MORF4L1: variants seen among roughly 807,000 people sequenced by gnomAD.
MORF4L1 encodes mortality factor 4-like protein 1.
MORF4L1 carries 4 observed loss-of-function variants against 52.9 expected under a neutral mutation model. That is an observed-to-expected ratio of 0.08 (90% CI 0.04 to 0.17). The LOEUF (loss-of-function observed/expected upper bound fraction) is 0.17. Among genes scored for constraint, MORF4L1 ranks in the 10% least tolerant of loss-of-function variants. The pLI is 1.00. For synonymous variants in MORF4L1, 123 were observed against 134.8 expected (o/e 0.91, Z 0.61); for missense variants, 214 against 390.4 (o/e 0.55, Z 3.81).
chr15:78,894,443 CTG>C (rs966818738), intron 10 of MORF4L1: 41 of 406,272 alleles, frequency 1.0e-4, no homozygotes, highest in Admixed American at 4.7e-4. Flanking sequence ...CAGACAGTCT[CTG>C]TTGCCCAGGC....
intron 3 of MORF4L1, among the ~76,000 whole-genome samples, chr15:78,881,663 A>G (rs756793907): frequency 6.6e-6 from 1 of 152,190 alleles, no homozygotes; most frequent in Non-Finnish European, 1.5e-5. Flanking sequence ...CTAAAAATTT[A>G]CCCAAGTCTC....
At chr15:78,878,696 A>T (rs778555373) in intron 2 of MORF4L1, among the ~76,000 whole-genome samples, 1 of 152,232 alleles carries the variant, frequency 6.6e-6, no homozygotes, top group African/African-American at 2.4e-5. Context: ...TTGTCTGGCA[A>T]AGTTTGTATT....
chr15:78,873,674 C>G (rs1296563644), intron 1 of MORF4L1: 1 of 153,916 alleles, frequency 6.5e-6, no homozygotes, highest in Non-Finnish European at 1.5e-5. Context: ...GCAGATGCAG[C>G]GCCCCCTTCC....
intron 9 of MORF4L1, 37 bp from the exon 10 acceptor site, chr15:78,894,021 A>G (rs2056843125): frequency 6.4e-7 from 1 of 1,561,050 alleles, no homozygotes; most frequent in African/African-American, 1.4e-5. Flanking sequence ...AGTTATTTTT[A>G]TTGACCAGTT....
intron 3 of MORF4L1, among the ~76,000 whole-genome samples, chr15:78,884,019 C>T (rs1416392422): frequency 6.9e-6 from 1 of 145,840 alleles, no homozygotes; most frequent in African/African-American, 2.5e-5. Context: ...GCCTGGCCAA[C>T]ATGATGAAAT....
chr15:78,886,361 A>G, intron 4 of MORF4L1, 134 bp downstream of exon 4: 1 of 762,254 alleles, frequency 1.3e-6, no homozygotes, highest in Non-Finnish European at 2.3e-6. Flanking sequence ...CTGCTGTGTT[A>G]CAGCTTTGAC....
intron 8 of MORF4L1, 54 bp downstream of exon 8, chr15:78,892,367 A>G (rs1810891729): frequency 2.3e-6 from 3 of 1,328,436 alleles, no homozygotes; most frequent in Non-Finnish European, 3.2e-6. Context: ...TCTTGCTAGC[A>G]AAAAAAGTTT....
intron 8 of MORF4L1, among the ~76,000 whole-genome samples, chr15:78,893,311 C>T (rs180832893): frequency 1.2e-3 from 190 of 152,266 alleles, no homozygotes; most frequent in African/African-American, 4.5e-3. Flanking sequence ...AATGGGGTTA[C>T]ATCGCAATAA....
rs1322349665 is a variant in MORF4L1, at chr15:78,897,021, G to A, written c.926G>A (p.Ser309Asn). 6.2e-7 allele frequency: 1 copy of A among 1,612,990 alleles called. No homozygotes were observed. Among genetic ancestry groups the A allele is most frequent in the East Asian group, 2.2e-5 (1 of 44,848 alleles). ...AATTCTGCAACTTTGTTCAGTGCCAGCGATTATGAAGTGGCTCCTCCTGAG... is the reference window on the plus strand; with the variant it reads ...AATTCTGCAACTTTGTTCAGTGCCAACGATTATGAAGTGGCTCCTCCTGAG... ...AKNSATLFSA[S>N]DYEVAPPEYH... Residue 309 changes from serine to asparagine, a missense_variant, in exon 12 of 12, where the codon AGC becomes AAC. This residue lies in a region of MORF4L1 where 30 missense variants were observed against 34.6 expected (regional missense o/e 0.87). Transcript: ENST00000426013.
chr15:78,880,453 A>T, intron 2 of MORF4L1, 59 bp from the exon 3 acceptor site: 1 of 1,258,804 alleles, frequency 7.9e-7, no homozygotes, highest in East Asian at 2.4e-5. Context: ...GGATGATTTG[A>T]AAAGGTAGTG....
At chr15:78,877,204 T>C (rs1439963806) in intron 1 of MORF4L1, among the ~76,000 whole-genome samples, 3 of 135,054 alleles carry the variant, frequency 2.2e-5, no homozygotes, top group African/African-American at 8.4e-5. Context: ...CACTGCAACC[T>C]CCACCTCCCG....
chr15:78,886,383 A>G (rs1012230735), intron 4 of MORF4L1, 156 bp downstream of exon 4: 2 of 670,544 alleles, frequency 3.0e-6, no homozygotes, highest in African/African-American at 1.8e-5. Flanking sequence ...TCAAGCGATC[A>G]AGCCATATCT....
intron 3 of MORF4L1, among the ~76,000 whole-genome samples, chr15:78,884,469 G>A (rs988946769): frequency 2.0e-5 from 3 of 151,574 alleles, no homozygotes; most frequent in African/African-American, 7.3e-5. Flanking sequence ...GAGAAACCCT[G>A]TCTGTACTAA....
Position 78,888,005 on chromosome 15 carries a change from T to C in MORF4L1, c.323+656T>C, listed in dbSNP as rs529503951. On this transcript the variant is annotated intron_variant, in intron 5 of 11. Coordinates refer to ENST00000426013, the MANE Select transcript of MORF4L1 (RefSeq NM_006791.4). Reference sequence around the variant, plus strand: ...TGTTGGTCAGGCTGACCTCCTGACCTCAGGTGATCCACCTGCCTTGGCCTC... The same window carrying C: ...TGTTGGTCAGGCTGACCTCCTGACCCCAGGTGATCCACCTGCCTTGGCCTC... Among the ~76,000 whole-genome samples, 5 of 152,354 alleles carry C rather than the reference T, an allele frequency of 3.3e-5. No homozygotes were observed. The East Asian group carries it at 9.6e-4, about 29-fold the overall frequency.
At chr15:78,883,911 CTA>C (rs973738479) in intron 3 of MORF4L1, among the ~76,000 whole-genome samples, 5 of 152,126 alleles carry the variant, frequency 3.3e-5, no homozygotes, top group Non-Finnish European at 5.9e-5. Flanking sequence ...CGTTAGAAAA[CTA>C]TGAAATTCTG....
intron 5 of MORF4L1, among the ~76,000 whole-genome samples, chr15:78,889,222 A>C (rs2056757405): frequency 6.6e-6 from 1 of 152,208 alleles, no homozygotes; most frequent in Non-Finnish European, 1.5e-5. Flanking sequence ...CTTTTGAAGG[A>C]TCCTCAGTCT....
chr15:78,885,658 A>G (rs1200478042), intron 3 of MORF4L1, among the ~76,000 whole-genome samples: 1 of 152,206 alleles, frequency 6.6e-6, no homozygotes, highest in Non-Finnish European at 1.5e-5. Context: ...TTTTACATGT[A>G]TTCTCATAAC....
intron 3 of MORF4L1, chr15:78,885,102 A>T (rs2056676832): frequency 1.3e-6 from 2 of 1,556,878 alleles, no homozygotes; most frequent in Non-Finnish European, 8.8e-7. Context: ...ATGTTTTGAA[A>T]TTTTCTCTAG....
At chr15:78,879,034 CT>C (rs11446420) in intron 2 of MORF4L1, among the ~76,000 whole-genome samples, 20,317 of 149,830 alleles carry the variant, frequency 0.14, 1,422 homozygotes, top group East Asian at 0.26. Flanking sequence ...ATTTTCACTA[CT>C]TTTTTTTTTC....
Sources: allele counts gnomAD v4.1 joint callset (sites outside exome capture counted in the v4.1 genomes callset), GRCh38; gene constraint gnomAD v4.1.1; regional missense constraint gnomAD v4.1.1; transcripts MANE v1.5; gene names NCBI Gene and HGNC (gene_info 2026-07-23, HGNC 2026-07-21).